The following SMG1 variants were observed in gnomAD, a reference collection of about 807,000 sequenced individuals.
The protein encoded by SMG1 is SMG1 nonsense mediated mRNA decay associated PI3K related kinase, also known as serine/threonine-protein kinase SMG1.
Under a neutral mutation model 419.9 loss-of-function variants are expected in SMG1, and 22 were observed. The observed-to-expected ratio is 0.05, with a 90% CI of 0.04 to 0.07. The LOEUF (loss-of-function observed/expected upper bound fraction) is 0.07, where lower values mean the gene tolerates loss of function less well. Ranked by LOEUF, SMG1 falls within the 10% of genes least tolerant of loss-of-function variation. The pLI, the probability that SMG1 is intolerant of heterozygous loss-of-function variation, is 1.00. For synonymous variants in SMG1, 1,538 were observed against 1,553.5 expected, an observed-to-expected ratio of 0.99 and a Z score of 0.23; for missense variants, 3,185 against 4,342.0, an observed-to-expected ratio of 0.73 and a Z score of 7.49.
rs2033051875 is a variant in SMG1, at chr16:18,829,949, C to T, written c.9110G>A (p.Gly3037Asp). The T allele has an allele frequency of 1.9e-6, 3 of 1,565,400 alleles. No individual in the cohort carries two copies. The highest frequency in any genetic ancestry group is 2.4e-5 in the South Asian group (2 of 82,708). ...ACCTGACAATGTTTTAGAAAAGGTA[C>T]CACAGAGCCTGAAGAACTCCTTAAT... ...QTIKEFFRLC[G>D]TFSKTLSGSS... The change falls in exon 53 of 63, where the codon GGT becomes GAT. Residue 3037 changes from glycine (G) to aspartate (D), a missense_variant. Transcript: ENST00000446231.
intron 1 of SMG1, 105 bp downstream of exon 1, chr16:18,925,845 G>A (rs2038378705): frequency 3.6e-6 from 3 of 840,962 alleles, no homozygotes; most frequent in Non-Finnish European, 5.1e-6. Context: ...CGGCTCCGAG[G>A]GGTGGAGGGC....
intron 41 of SMG1, among the ~76,000 whole-genome samples, chr16:18,840,535 A>G (rs2033855473): frequency 6.6e-6 from 1 of 152,236 alleles, no homozygotes; most frequent in Non-Finnish European, 1.5e-5. Context: ...ATAAGACTGT[A>G]TAAAATTTAT....
At chr16:18,909,266 C>T (rs549313251) in intron 1 of SMG1, among the ~76,000 whole-genome samples, 7 of 151,990 alleles carry the variant, frequency 4.6e-5, no homozygotes, top group African/African-American at 1.2e-4. Context: ...CACTTGAACC[C>T]GGGAGGCAGA....
At chr16:18,913,711 C>T (rs1202574117) in intron 1 of SMG1, among the ~76,000 whole-genome samples, 3 of 151,822 alleles carry the variant, frequency 2.0e-5, no homozygotes, top group African/African-American at 7.3e-5. Flanking sequence ...TGCAGTGAGG[C>T]CACTGCTAAG....
intron 16 of SMG1, among the ~76,000 whole-genome samples, chr16:18,871,156 C>T (rs369511430): frequency 2.0e-5 from 3 of 151,924 alleles, no homozygotes; most frequent in South Asian, 2.1e-4. Context: ...TAAACATTCA[C>T]GTAAGCTTAA....
intron 1 of SMG1, among the ~76,000 whole-genome samples, chr16:18,922,627 G>A (rs1416923909): frequency 2.0e-5 from 3 of 152,086 alleles, no homozygotes; most frequent in African/African-American, 7.2e-5. Context: ...ACCATATCCC[G>A]CTAATTTATT....
intron 56 of SMG1, among the ~76,000 whole-genome samples, chr16:18,818,402 A>AT (rs976644950): frequency 1.2e-4 from 18 of 148,874 alleles, no homozygotes; most frequent in African/African-American, 3.7e-4. Flanking sequence ...AACAAAAAAA[A>AT]TTTTTTTTTT....
chr16:18,917,737 T>C (rs552190312), intron 1 of SMG1, among the ~76,000 whole-genome samples: 2 of 150,762 alleles, frequency 1.3e-5, no homozygotes, highest in African/African-American at 2.4e-5. Context: ...ACCACCACAC[T>C]CGACTAATTT....
rs1237264284 is a variant in SMG1, at chr16:18,807,018, C to T, written c.*2551G>A. On this transcript the variant is annotated 3_prime_UTR_variant, in exon 63 of 63. Coordinates refer to ENST00000446231, the MANE Select transcript of SMG1 (RefSeq NM_015092.5). ...CTATTACATCTGCCTTACAACCAAA[C>T]CCACTGTGTATGCCACATTATTCTT... 1.3e-5 allele frequency: 2 copies of T among 152,204 alleles called. No individual in the cohort carries two copies. Among genetic ancestry groups the T allele is most frequent in the East Asian group, 3.8e-4 (2 of 5,196 alleles). The allele number at this position is 152,204 out of a possible 1,614,324, so 9.4% of individuals were successfully genotyped here. A position where few individuals can be genotyped will look rare whatever the true frequency, so the allele number is the denominator to read the frequency against.
At chr16:18,830,145 T>A (rs1403432815) in intron 52 of SMG1, 30 bp from the exon 53 acceptor site, 1 of 1,602,486 alleles carries the variant, frequency 6.2e-7, no homozygotes, top group Non-Finnish European at 8.5e-7. Context: ...CAAAGTTCAT[T>A]TCTCCACTCT....
intron 1 of SMG1, among the ~76,000 whole-genome samples, chr16:18,916,112 C>T (rs1293534065): frequency 7.0e-6 from 1 of 142,826 alleles, no homozygotes; most frequent in Admixed American, 7.0e-5. Flanking sequence ...AAAAAACCAC[C>T]ACCACTTATA....
chr16:18,816,301 C>T lies in SMG1; in HGVS notation c.10302+1G>A, dbSNP rs1191738430. Reference sequence around the variant, plus strand: ...ATGTGTGTTCATGGTATTAGTCTTACCTTAGCCATAGCTTTCAAGAGATGT... The same window carrying T: ...ATGTGTGTTCATGGTATTAGTCTTATCTTAGCCATAGCTTTCAAGAGATGT... On this transcript the variant is annotated splice_donor_variant, in intron 58 of 62. Transcript: ENST00000446231. LOFTEE classifies it high-confidence loss of function. 1 of 1,611,996 alleles carries T rather than the reference C, an allele frequency of 6.2e-7. No individual in the cohort carries two copies. The highest frequency in any genetic ancestry group is 8.5e-7 in the Non-Finnish European group (1 of 1,178,554).
In SMG1 at chr16:18,885,585, A is replaced by C; in HGVS notation, c.904T>G (p.Leu302Val). The change falls in exon 7 of 63, where the codon TTG becomes GTG. Residue 302 changes from leucine (L) to valine (V), a missense_variant. Physicochemically the swap from Leu to Val is conservative, Grantham distance 32 (BLOSUM62 1). Around this residue, in one of 27 missense-constraint regions of SMG1, gnomAD observed 53 missense variants for 56.3 expected, o/e 0.94. Coordinates refer to ENST00000446231, the MANE Select transcript of SMG1 (RefSeq NM_015092.5). ...ATATGAGGGTAACATCGAGCCACCA[A>C]AAGAATGCACTTAACACATTTACAA... Reference protein sequence around the residue: ...LLCKCVKCILLVARCYPHIFS... With the variant: ...LLCKCVKCILVVARCYPHIFS... 6.3e-7 allele frequency: 1 copy of C among 1,596,184 alleles called. No individual in the cohort carries two copies. The highest frequency in any genetic ancestry group is 8.5e-7 in the Non-Finnish European group (1 of 1,179,586).
chr16:18,897,898 A>AG (rs1159518747), intron 1 of SMG1, among the ~76,000 whole-genome samples: 2 of 151,308 alleles, frequency 1.3e-5, no homozygotes, highest in South Asian at 2.1e-4. Flanking sequence ...AACAACTTTG[A>AG]GAAAAAAAAA....
At chr16:18,858,108 A>G in intron 29 of SMG1, 62 bp downstream of exon 29, 1 of 1,451,118 alleles carries the variant, frequency 6.9e-7, no homozygotes. Flanking sequence ...AAACCTCAAT[A>G]AAGCAAAATT....
intron 3 of SMG1, among the ~76,000 whole-genome samples, chr16:18,895,559 CAAG>C (rs1258333932): frequency 2.0e-5 from 3 of 151,516 alleles, no homozygotes; most frequent in Non-Finnish European, 4.4e-5. Context: ...AGAGCATCAG[CAAG>C]AATAGCTTAA....
intron 29 of SMG1, 118 bp downstream of exon 29, chr16:18,858,052 A>T: frequency 1.3e-6 from 1 of 751,364 alleles, no homozygotes; most frequent in Non-Finnish European, 2.1e-6. Flanking sequence ...ACACAAGTGA[A>T]GACATGTTAG....
intron 3 of SMG1, among the ~76,000 whole-genome samples, chr16:18,892,558 C>T (rs932179729): frequency 6.6e-6 from 1 of 151,928 alleles, no homozygotes; most frequent in Non-Finnish European, 1.5e-5. Context: ...ACCCTGTCTC[C>T]ACAGACATAC....
chr16:18,859,739 T>C, intron 26 of SMG1, 36 bp from the exon 27 acceptor site: 1 of 1,535,800 alleles, frequency 6.5e-7, no homozygotes, highest in Non-Finnish European at 8.8e-7. Context: ...TAAGTTCATG[T>C]GCTTTTATTA....
Sources: allele counts gnomAD v4.1 joint callset (sites outside exome capture counted in the v4.1 genomes callset), GRCh38; gene constraint gnomAD v4.1.1; regional missense constraint gnomAD v4.1.1; transcripts MANE v1.5; gene names NCBI Gene and HGNC (gene_info 2026-07-23, HGNC 2026-07-21).